The following TP53BP2 variants were observed in gnomAD, a reference collection of about 807,000 sequenced individuals.
TP53BP2 encodes tumor protein p53 binding protein 2.
A neutral mutation model predicts 126.2 loss-of-function variants in TP53BP2; 62 were observed. The ratio of observed to expected loss-of-function variants is 0.49; its 90% CI spans 0.40 to 0.61. TP53BP2 has a LOEUF of 0.61. Among genes scored for constraint, TP53BP2 ranks in the 20% least tolerant of loss-of-function variants. The pLI is 0.00. For missense variants in TP53BP2, 1,215 were observed against 1,402.8 expected (o/e 0.87, Z 2.14); for synonymous variants, 485 against 502.9 (o/e 0.96, Z 0.48).
intron 1 of TP53BP2, among the ~76,000 whole-genome samples, chr1:223,841,245 C>CAATAAATAAATA (rs1482499195): frequency 2.7e-4 from 18 of 66,352 alleles, no homozygotes; most frequent in African/African-American, 2.0e-3. Context: ...GACTCCGTCT[C>CAATAAATAAATA]AAGAAATAAA....
At position 223,845,656 on chromosome 1, in the gene TP53BP2, G is replaced by A. The variant is rs752808497; in HGVS notation, c.25C>T (p.Pro9Ser). The change falls in exon 1 of 18, where the codon CCG becomes TCG. Residue 9 changes from proline (P) to serine (S), a missense_variant and splice_region_variant. Coordinates refer to ENST00000343537, the MANE Select transcript of TP53BP2 (RefSeq NM_001031685.3). MRFGSKMM[P>S]MFLTVYLSNN... Reference sequence around the variant, plus strand: ...GCCCTGGCCGCTCGCCCACTTACCGGCATCATCTTGGACCCGAACCGCATG... The same window carrying A: ...GCCCTGGCCGCTCGCCCACTTACCGACATCATCTTGGACCCGAACCGCATG... 1 of 1,554,964 alleles carries A rather than the reference G, an allele frequency of 6.4e-7. No homozygotes were observed. Among genetic ancestry groups the A allele is most frequent in the Admixed American group, 1.8e-5 (1 of 54,318 alleles).
At chr1:223,842,028 G>A (rs1017795163) in intron 1 of TP53BP2, among the ~76,000 whole-genome samples, 12 of 151,080 alleles carry the variant, frequency 7.9e-5, no homozygotes, top group East Asian at 7.8e-4. Context: ...TGCAACCTCC[G>A]CCTCTAGGGT....
rs185851979 is a variant in TP53BP2, at chr1:223,814,331, C to G, written c.198G>C (p.Glu66Asp). 6.2e-7 allele frequency: 1 copy of G among 1,613,568 alleles called. No individual in the cohort carries two copies. Reference sequence around the variant, plus strand: ...ATCGTTGAAGAACATCAAACATTCGCTCATTATCCGCAACTGGACGTTCTA... The same window carrying G: ...ATCGTTGAAGAACATCAAACATTCGGTCATTATCCGCAACTGGACGTTCTA... Reference protein sequence around the residue: ...CGSERPVADNERMFDVLQRFG... With the variant: ...CGSERPVADNDRMFDVLQRFG... The change falls in exon 3 of 18, where the codon GAG becomes GAC. Residue 66 changes from glutamate (E) to aspartate (D), a missense_variant. Glu to Asp is a conservative substitution (Grantham distance 45). Coordinates refer to ENST00000343537, the MANE Select transcript of TP53BP2 (RefSeq NM_001031685.3).
chr1:223,841,693 T>G (rs2102894366), intron 1 of TP53BP2, among the ~76,000 whole-genome samples: 1 of 152,332 alleles, frequency 6.6e-6, no homozygotes, highest in Non-Finnish European at 1.5e-5. Flanking sequence ...ATACAAATCC[T>G]ACTGATCAGG....
intron 2 of TP53BP2, among the ~76,000 whole-genome samples, chr1:223,819,833 G>C (rs759267309): frequency 1.3e-5 from 2 of 152,178 alleles, no homozygotes; most frequent in Admixed American, 6.5e-5. Flanking sequence ...TATTTCTACA[G>C]CATCTACTAG....
At chr1:223,845,625 C>G (rs930458949) in intron 1 of TP53BP2, 29 bp downstream of exon 1, 1 of 1,543,772 alleles carries the variant, frequency 6.5e-7, no homozygotes, top group Non-Finnish European at 8.7e-7. Context: ...CACTTCCGGG[C>G]CCGACGCCCT....
intron 1 of TP53BP2, among the ~76,000 whole-genome samples, chr1:223,838,732 A>G (rs905204449): frequency 6.6e-6 from 1 of 152,184 alleles, no homozygotes; most frequent in Non-Finnish European, 1.5e-5. Flanking sequence ...ATACATCATC[A>G]ACTTCAAGCC....
rs560460820 is a variant in TP53BP2, at chr1:223,838,427, T to C, written c.27+7227A>G. ...CTAATCTATTTCCAACAAAGGTATC[T>C]GACTACATTGAATTACTGCTCCCTA... On this transcript the variant is annotated intron_variant, in intron 1 of 17. Transcript: ENST00000343537. Among the ~76,000 whole-genome samples the C allele has an allele frequency of 2.4e-3, 371 of 152,322 alleles. 4 individuals carry two copies. Among genetic ancestry groups the C allele is most frequent in the African/African-American group, 8.6e-3 (359 of 41,550 alleles).
At chr1:223,808,408 G>A (rs570060213) in intron 4 of TP53BP2, among the ~76,000 whole-genome samples, 2 of 152,116 alleles carry the variant, frequency 1.3e-5, no homozygotes, top group South Asian at 4.1e-4. Flanking sequence ...GGGCATGGTG[G>A]CAGGTGCCTA....
intron 5 of TP53BP2, among the ~76,000 whole-genome samples, chr1:223,805,328 A>G (rs1018319312): frequency 6.6e-6 from 1 of 152,214 alleles, no homozygotes; most frequent in Non-Finnish European, 1.5e-5. Flanking sequence ...TTGTTCTTCA[A>G]CAACCAATCT....
rs1054827770 is a variant in TP53BP2, at chr1:223,796,192, C to T, written c.2347G>A (p.Val783Met). The T allele has an allele frequency of 1.2e-6, 2 of 1,614,160 alleles. No homozygotes were observed. Among genetic ancestry groups the T allele is most frequent in the Non-Finnish European group, 1.7e-6 (2 of 1,180,030 alleles). The change falls in exon 13 of 18, where the codon GTG becomes ATG. Residue 783 changes from valine (V) to methionine (M), a missense_variant. By Grantham distance (21) the Val-to-Met change is conservative. This residue lies in a region of TP53BP2 where 204 missense variants were observed against 225.7 expected (regional missense o/e 0.90). Coordinates refer to ENST00000343537, the MANE Select transcript of TP53BP2 (RefSeq NM_001031685.3). The surrounding 1 kb of genome is among the most constrained non-coding windows in gnomAD (Gnocchi z 4.2). Reference sequence around the variant, plus strand: ...ACTGGGCTTTCTGAGCTGGCAGTCACAGAAGCTGACTTGGATGGGTATGAT... The same window carrying T: ...ACTGGGCTTTCTGAGCTGGCAGTCATAGAAGCTGACTTGGATGGGTATGAT... ...VPSYPSKSASVTASSESPVEI... is the reference protein window; with the variant it reads ...VPSYPSKSASMTASSESPVEI...
chr1:223,822,047 T>TCACAC (rs1663331935), intron 1 of TP53BP2, among the ~76,000 whole-genome samples: 1 of 151,800 alleles, frequency 6.6e-6, no homozygotes, highest in Non-Finnish European at 1.5e-5. Context: ...GCATGCCATA[T>TCACAC]CACACCACAC....
At chr1:223,780,949 C>G (rs1278103882) in intron 17 of TP53BP2, 55 bp from the exon 18 acceptor site, 4 of 1,517,406 alleles carry the variant, frequency 2.6e-6, no homozygotes, top group Non-Finnish European at 3.6e-6. Flanking sequence ...GGGAATATAA[C>G]AAAATTTCAA....
chr1:223,803,941 G>A (rs1280696356), intron 6 of TP53BP2, among the ~76,000 whole-genome samples: 1 of 152,176 alleles, frequency 6.6e-6, no homozygotes, highest in Non-Finnish European at 1.5e-5. Flanking sequence ...AGAGGAACCT[G>A]CAGCATCAAA....
At chr1:223,819,197 A>AG (rs1250022680) in intron 2 of TP53BP2, among the ~76,000 whole-genome samples, 1 of 152,014 alleles carries the variant, frequency 6.6e-6, no homozygotes, top group East Asian at 2.0e-4. Context: ...AAAAAAAAAA[A>AG]AAGTTGTAAG....
chr1:223,845,323 C>CA (rs1431967830), intron 1 of TP53BP2: 1 of 895,404 alleles, frequency 1.1e-6, no homozygotes, highest in African/African-American at 1.8e-5. Context: ...TCTTGACCTT[C>CA]AAGAACTGCA....
At chr1:223,784,762 A>G (rs1213825938) in intron 16 of TP53BP2, among the ~76,000 whole-genome samples, 1 of 152,260 alleles carries the variant, frequency 6.6e-6, no homozygotes, top group African/African-American at 2.4e-5. Flanking sequence ...GAGCAGACAG[A>G]GAAAAAAAGA....
At chr1:223,822,539 C>T (rs1404989888) in intron 1 of TP53BP2, among the ~76,000 whole-genome samples, 3 of 152,044 alleles carry the variant, frequency 2.0e-5, no homozygotes, top group South Asian at 2.1e-4. Flanking sequence ...CATGGTGGCA[C>T]ATGCCTGTGG....
At chr1:223,838,440 T>C (rs1378437944) in intron 1 of TP53BP2, among the ~76,000 whole-genome samples, 29 of 152,202 alleles carry the variant, frequency 1.9e-4, no homozygotes, top group Admixed American at 1.9e-3. Context: ...CTACATTGAA[T>C]TACTGCTCCC....
Sources: gnomAD v4.1 joint callset for allele counts (sites outside exome capture counted in the v4.1 genomes callset) on GRCh38, gnomAD v4.1.1 for gene constraint, gnomAD v4.1.1 regional missense constraint, Gnocchi (gnomAD v3.1) non-coding constraint, MANE v1.5 for transcripts, NCBI Gene and HGNC (gene_info 2026-07-23, HGNC 2026-07-21) for gene names.